ST3GAL4: variants seen among roughly 807,000 people sequenced by gnomAD.
ST3GAL4 encodes CMP-N-acetylneuraminate-beta-galactosamide-alpha-2,3-sialyltransferase 4.
In ST3GAL4, 24 loss-of-function variants were observed where a neutral mutation model predicts 42.6. The ratio of observed to expected loss-of-function variants is 0.56; its 90% CI spans 0.41 to 0.79. ST3GAL4 has a LOEUF of 0.79. Ranked by LOEUF, ST3GAL4 falls within the 30% of genes least tolerant of loss-of-function variation. The pLI is 0.00. For missense variants in ST3GAL4, 311 were observed against 430.8 expected, an observed-to-expected ratio of 0.72 and a Z score of 2.46; for synonymous variants, 135 against 163.2, an observed-to-expected ratio of 0.83 and a Z score of 1.32.
Position 126,383,500 on chromosome 11 carries a change from G to A in ST3GAL4, c.-60-22596G>A, listed in dbSNP as rs927174392. 6.6e-6 allele frequency among the ~76,000 whole-genome samples: 1 copy of A among 152,120 alleles called. No homozygotes were observed. The highest frequency in any genetic ancestry group is 1.5e-5 in the Non-Finnish European group (1 of 68,010). On this transcript the variant is annotated intron_variant, in intron 1 of 10. Transcript: ENST00000444328. The surrounding 1 kb of genome is among the most constrained non-coding windows in gnomAD (Gnocchi z 4.5). ...TGGGGGAAAAGAGTGCCCTGGCTTG[G>A]GGGGGCCCTCAAGCCCCGGAAGCTG...
rs1953517468 is a variant in ST3GAL4 at position 126,391,659 on chromosome 11, G to A, written c.-60-14437G>A. On this transcript the variant is annotated intron_variant, in intron 1 of 10. Transcript: ENST00000444328. The surrounding 1 kb of genome is among the most constrained non-coding windows in gnomAD (Gnocchi z 5.5). ...TCCTTGCCTCCCTGGCTGCTACAAG[G>A]TCCTGTGTAGCATCTGGTGTGGACC... Among the ~76,000 whole-genome samples, 1 of 152,120 alleles carries A rather than the reference G, an allele frequency of 6.6e-6. No individual in the cohort carries two copies.
At chr11:126,358,896 C>T (rs571754947) in intron 1 of ST3GAL4, among the ~76,000 whole-genome samples, 3 of 152,332 alleles carry the variant, frequency 2.0e-5, no homozygotes, top group Non-Finnish European at 4.4e-5. Flanking sequence ...TGCTGCTGCT[C>T]GGGCTGAAGT....
rs143426462 is a variant in ST3GAL4, at chr11:126,366,131, C to T, written c.-61+10289C>T. ...GCCACTCCCTGCCCCTTAGAGGCTC[C>T]GGGCTGCCTGGTGATAGCTCCCAGG... On this transcript the variant is annotated intron_variant, in intron 1 of 10. Coordinates refer to ENST00000444328, the MANE Select transcript of ST3GAL4 (RefSeq NM_001254757.2). The surrounding 1 kb of genome is among the most constrained non-coding windows in gnomAD (Gnocchi z 4.2). Among the ~76,000 whole-genome samples, 1,002 of 152,296 alleles carry T rather than the reference C, an allele frequency of 6.6e-3. 12 individuals are homozygous for T. The highest frequency in any genetic ancestry group is 0.02 in the African/African-American group (846 of 41,558).
At chr11:126,377,177 CT>C (rs567652765) in intron 1 of ST3GAL4, among the ~76,000 whole-genome samples, 40 of 147,472 alleles carry the variant, frequency 2.7e-4, no homozygotes, top group Middle Eastern at 3.5e-3. Flanking sequence ...AAAAATGACA[CT>C]TTTTTTTTTT....
At position 126,392,676 on chromosome 11, in the gene ST3GAL4, C is replaced by A. The variant is rs2135488145; in HGVS notation, c.-60-13420C>A. Among the ~76,000 whole-genome samples the A allele has an allele frequency of 6.6e-6, 1 of 152,310 alleles. No homozygotes were observed. Among genetic ancestry groups the A allele is most frequent in the South Asian group, 2.1e-4 (1 of 4,818 alleles). On this transcript the variant is annotated intron_variant, in intron 1 of 10. Coordinates refer to ENST00000444328, the MANE Select transcript of ST3GAL4 (RefSeq NM_001254757.2). This position sits in a 1 kb window ranked among gnomAD's most constrained non-coding sequence, Gnocchi z 5.8. ...CATGTGTCAGGCATTAAATTTAGTG[C>A]TGGAGATACTATGGGACATAAGAAG...
chr11:126,388,929 C>T (rs1953357896), intron 1 of ST3GAL4, among the ~76,000 whole-genome samples: 1 of 151,684 alleles, frequency 6.6e-6, no homozygotes, highest in Non-Finnish European at 1.5e-5. Context: ...AGGCGCCTGC[C>T]ACCATGCCTG....
chr11:126,405,083 G>C (rs1954166015), intron 1 of ST3GAL4, among the ~76,000 whole-genome samples: 2 of 152,372 alleles, frequency 1.3e-5, no homozygotes, highest in Middle Eastern at 3.4e-3. Context: ...GGCTGACCAA[G>C]GTGGTCTGGT....
chr11:126,360,573 G>A (rs1237103429), intron 1 of ST3GAL4, among the ~76,000 whole-genome samples: 6 of 152,044 alleles, frequency 3.9e-5, no homozygotes, highest in African/African-American at 7.2e-5. Context: ...ACAGGCACCC[G>A]CCACCACGCC....
At chr11:126,371,543 C>A (rs1336067317) in intron 1 of ST3GAL4, among the ~76,000 whole-genome samples, 1 of 152,190 alleles carries the variant, frequency 6.6e-6, no homozygotes, top group African/African-American at 2.4e-5. Context: ...CATCCTTTAT[C>A]TATTTGCAAC....
chr11:126,386,446 C>T lies in ST3GAL4; in HGVS notation c.-60-19650C>T, dbSNP rs1953230402. Among the ~76,000 whole-genome samples the T allele has an allele frequency of 6.6e-6, 1 of 152,064 alleles. No individual in the cohort carries two copies. Among genetic ancestry groups the T allele is most frequent in the Non-Finnish European group, 1.5e-5 (1 of 68,016 alleles). On this transcript the variant is annotated intron_variant, in intron 1 of 10. Coordinates refer to ENST00000444328, the MANE Select transcript of ST3GAL4 (RefSeq NM_001254757.2). The surrounding 1 kb of genome is among the most constrained non-coding windows in gnomAD (Gnocchi z 4.7). ...CACAGTCTGGGGAGGCCTTGGGGTC[C>T]CCAGCCTGTGCTGGGACAGGGGTAT...
intron 1 of ST3GAL4, among the ~76,000 whole-genome samples, chr11:126,385,783 G>T (rs960462985): frequency 2.0e-5 from 3 of 151,962 alleles, no homozygotes; most frequent in African/African-American, 7.2e-5. Context: ...AGGCTGAGGT[G>T]GGAGGATCCC....
chr11:126,374,836 G>A (rs1413819324), intron 1 of ST3GAL4, among the ~76,000 whole-genome samples: 3 of 152,066 alleles, frequency 2.0e-5, no homozygotes, highest in Non-Finnish European at 4.4e-5. Context: ...TGTTGATCGG[G>A]TGGATTCTAA....
At chr11:126,367,133 C>T (rs888789504) in intron 1 of ST3GAL4, among the ~76,000 whole-genome samples, 1 of 152,114 alleles carries the variant, frequency 6.6e-6, no homozygotes, top group Non-Finnish European at 1.5e-5. Flanking sequence ...ATCCGTGTGC[C>T]AGCCCTTCTG....
intron 9 of ST3GAL4, among the ~76,000 whole-genome samples, chr11:126,412,104 C>T (rs750907645): frequency 9.9e-5 from 15 of 151,642 alleles, no homozygotes; most frequent in Admixed American, 2.0e-4. Context: ...CGGTAGGGGG[C>T]GGGGGGTGGT....
rs1230043427 is a variant in ST3GAL4, at chr11:126,411,057, G to A, written c.771+1646G>A. 6.6e-6 allele frequency among the ~76,000 whole-genome samples: 1 copy of A among 152,196 alleles called. No individual in the cohort carries two copies. Among genetic ancestry groups the A allele is most frequent in the Non-Finnish European group, 1.5e-5 (1 of 68,034 alleles). On this transcript the variant is annotated intron_variant, in intron 9 of 10. Transcript: ENST00000444328. The surrounding 1 kb of genome is among the most constrained non-coding windows in gnomAD (Gnocchi z 6.3). ...TTCATAGGATTACAGATGGAGAGGA[G>A]GCTGGAGAGGGAGATGAGAGAGGGC...
chr11:126,381,944 T>C (rs921068561), intron 1 of ST3GAL4, among the ~76,000 whole-genome samples: 9 of 151,790 alleles, frequency 5.9e-5, no homozygotes, highest in Non-Finnish European at 2.9e-5. Context: ...AGCCTTTCCC[T>C]GTGCCCTGCC....
chr11:126,358,549 A>G, intron 1 of ST3GAL4: 1 of 445,806 alleles, frequency 2.2e-6, no homozygotes, highest in Non-Finnish European at 4.5e-6. Context: ...AGACTGAGGA[A>G]GTGGTCAGTG....
intron 1 of ST3GAL4, among the ~76,000 whole-genome samples, chr11:126,394,572 A>G (rs1286785089): frequency 2.0e-5 from 3 of 152,096 alleles, no homozygotes; most frequent in Non-Finnish European, 4.4e-5. Flanking sequence ...TTACAAGCAC[A>G]TGCCACCATG....
intron 1 of ST3GAL4, among the ~76,000 whole-genome samples, chr11:126,388,996 T>C (rs1953361528): frequency 6.6e-6 from 1 of 152,088 alleles, no homozygotes; most frequent in East Asian, 1.9e-4. Flanking sequence ...CAGGTTGGTC[T>C]CGAACTCGTG....
Sources: allele counts gnomAD v4.1 joint callset (sites outside exome capture counted in the v4.1 genomes callset), GRCh38; gene constraint gnomAD v4.1.1; non-coding constraint Gnocchi (gnomAD v3.1); transcripts MANE v1.5; gene names NCBI Gene and HGNC (gene_info 2026-07-23, HGNC 2026-07-21).